The following CCDC91 variants were observed in gnomAD, a reference collection of about 807,000 sequenced individuals.
CCDC91 encodes the protein coiled-coil domain-containing protein 91.
Under a neutral mutation model 63.2 loss-of-function variants are expected in CCDC91, and 48 were observed. The ratio of observed to expected loss-of-function variants is 0.76; its 90% confidence interval spans 0.60 to 0.97. The LOEUF (loss-of-function observed/expected upper bound fraction) is 0.97, where lower values mean the gene tolerates loss of function less well. Among genes scored for constraint, CCDC91 ranks in the 50% least tolerant of loss-of-function variants. The pLI is 0.00. For missense variants in CCDC91, 500 were observed against 494.6 expected, an observed-to-expected ratio of 1.01 and a Z score of -0.10; for synonymous variants, 167 against 165.8, an observed-to-expected ratio of 1.01 and a Z score of -0.06.
chr12:28,541,379 CAA>C (rs1370915966), intron 12 of CCDC91, among the ~76,000 whole-genome samples: 1 of 151,910 alleles, frequency 6.6e-6, no homozygotes, highest in East Asian at 1.9e-4. Flanking sequence ...GATTGAAACA[CAA>C]AGTGAAATAT....
chr12:28,343,418 T>C (rs928094712), intron 6 of CCDC91, among the ~76,000 whole-genome samples: 6 of 151,990 alleles, frequency 3.9e-5, no homozygotes, highest in African/African-American at 1.2e-4. Context: ...AGAGGAATGA[T>C]ACTGAGCCAT....
intron 3 of CCDC91, among the ~76,000 whole-genome samples, chr12:28,293,569 C>T (rs1214045416): frequency 6.6e-6 from 1 of 152,116 alleles, no homozygotes; most frequent in Non-Finnish European, 1.5e-5. Flanking sequence ...TTTGCTTTCT[C>T]TTTAGGCATT....
chr12:28,428,574 C>A (rs11049593), intron 8 of CCDC91, among the ~76,000 whole-genome samples: 52,810 of 53,460 alleles, frequency 0.99, 26,084 homozygotes, highest in East Asian at 1. Context: ...CGTCTCTCCC[C>A]AAAAAAAAAA....
rs147266012 is a variant in CCDC91, at chr12:28,266,267, C to G, written c.109+6825C>G. ...GGTTTATTATAGTGTGGATTAGAGT[C>G]AAATATCCGTGTTGTGGAGTGAGGA... is the stretch of plus-strand genomic sequence containing the variant. On this transcript the variant is annotated intron_variant, in intron 3 of 12. Transcript: ENST00000536442. Among the ~76,000 whole-genome samples the G allele has an allele frequency of 1.7e-3, 257 of 152,026 alleles. No individual in the cohort carries two copies. The Middle Eastern group carries it at 0.024, about 14-fold the overall frequency.
Position 28,490,938 on chromosome 12 carries a change from G to A in CCDC91, c.1215+6773G>A, listed in dbSNP as rs563448559. On this transcript the variant is annotated intron_variant, in intron 12 of 12. Transcript: ENST00000536442. ...ATTTGTCATTTCCATTTCAACTGTGGTAATTGAGATGATGTTAAAGATAAA... is the reference window on the plus strand; with the variant it reads ...ATTTGTCATTTCCATTTCAACTGTGATAATTGAGATGATGTTAAAGATAAA... 1.1e-4 allele frequency among the ~76,000 whole-genome samples: 17 copies of A among 150,518 alleles called. No individual in the cohort carries two copies. In the East Asian group the frequency reaches 2.3e-3, roughly 21 times the overall value.
intron 8 of CCDC91, among the ~76,000 whole-genome samples, chr12:28,425,654 A>G (rs1349312937): frequency 3.9e-5 from 6 of 152,138 alleles, no homozygotes; most frequent in Non-Finnish European, 7.4e-5. Flanking sequence ...CTAATTTTTT[A>G]CTCTGACACC....
intron 3 of CCDC91, among the ~76,000 whole-genome samples, chr12:28,278,971 T>C (rs1948422242): frequency 6.6e-6 from 1 of 152,016 alleles, no homozygotes; most frequent in African/African-American, 2.4e-5. Flanking sequence ...TATATTAATA[T>C]GTACAATAGT....
intron 8 of CCDC91, among the ~76,000 whole-genome samples, chr12:28,428,442 T>G (rs2140039124): frequency 6.6e-6 from 1 of 151,818 alleles, no homozygotes; most frequent in South Asian, 2.1e-4. Flanking sequence ...TGGTGGTGCA[T>G]GCTTGTAATC....
chr12:28,499,510 C>T (rs1338105018), intron 12 of CCDC91, among the ~76,000 whole-genome samples: 2 of 151,932 alleles, frequency 1.3e-5, no homozygotes, highest in Admixed American at 6.6e-5. Flanking sequence ...TCCCCTACCC[C>T]CCACTCCCTT....
chr12:28,284,957 C>G (rs1339937833), intron 3 of CCDC91, among the ~76,000 whole-genome samples: 3 of 152,098 alleles, frequency 2.0e-5, no homozygotes, highest in African/African-American at 7.2e-5. Context: ...TGTATGAACT[C>G]AACGTTTTTT....
At chr12:28,234,963 G>C (rs899193127) in intron 1 of CCDC91, among the ~76,000 whole-genome samples, 13 of 152,114 alleles carry the variant, frequency 8.5e-5, no homozygotes, top group African/African-American at 2.9e-4. Context: ...TCAGGAATTT[G>C]AGAATGATTT....
intron 6 of CCDC91, among the ~76,000 whole-genome samples, chr12:28,320,439 C>T (rs916039596): frequency 9.2e-5 from 14 of 151,756 alleles, no homozygotes; most frequent in Non-Finnish European, 1.3e-4. Flanking sequence ...CATGGACTTA[C>T]AATGTGGCTA....
intron 3 of CCDC91, among the ~76,000 whole-genome samples, chr12:28,272,197 A>G (rs1947817259): frequency 6.6e-6 from 1 of 151,934 alleles, no homozygotes; most frequent in South Asian, 2.1e-4. Context: ...TTTTACTGTG[A>G]TATACTACAT....
chr12:28,452,742 A>G, intron 11 of CCDC91, 88 bp downstream of exon 11: 1 of 554,234 alleles, frequency 1.8e-6, no homozygotes, highest in Non-Finnish European at 3.0e-6. Flanking sequence ...TATCTTACTT[A>G]AAACAACCTT....
chr12:28,216,686 G>A (rs549560154), intron 1 of CCDC91, among the ~76,000 whole-genome samples: 6 of 152,036 alleles, frequency 3.9e-5, no homozygotes, highest in African/African-American at 1.2e-4. Context: ...ACAGGCAATC[G>A]TTGAGAGCAG....
rs576129435 is a variant in CCDC91, at chr12:28,504,708, T to G, written c.1215+20543T>G. 3.9e-5 allele frequency among the ~76,000 whole-genome samples: 6 copies of G among 152,102 alleles called. No individual in the cohort carries two copies. The East Asian group carries it at 1.2e-3, about 30-fold the overall frequency. On this transcript the variant is annotated intron_variant, in intron 12 of 12. Transcript: ENST00000536442. ...GTCTACATGGCTCCTTATGTTTGCT[T>G]CTTTCTTTCACAAGCTACGTATGTA...
intron 6 of CCDC91, among the ~76,000 whole-genome samples, chr12:28,309,603 A>G (rs773607963): frequency 2.1e-4 from 32 of 152,038 alleles, no homozygotes; most frequent in Non-Finnish European, 3.1e-4. Context: ...TAAATTTCCT[A>G]TATAAATCCT....
chr12:28,538,177 A>C (rs973079030), intron 12 of CCDC91, among the ~76,000 whole-genome samples: 1 of 150,420 alleles, frequency 6.6e-6, no homozygotes, highest in South Asian at 2.1e-4. Flanking sequence ...ACATATGTAT[A>C]CATGTGCCAT....
intron 12 of CCDC91, 86 bp from the exon 13 acceptor site, chr12:28,548,976 TA>T: frequency 1.2e-6 from 1 of 850,360 alleles, no homozygotes. Flanking sequence ...AAGTTTTTTC[TA>T]GTGGGCTTCA....
Sources: allele counts gnomAD v4.1 joint callset (sites outside exome capture counted in the v4.1 genomes callset), GRCh38; gene constraint gnomAD v4.1.1; transcripts MANE v1.5; gene names NCBI Gene and HGNC (gene_info 2026-07-23, HGNC 2026-07-21).